Variants in PXYLP1 observed in about 807,000 individuals in gnomAD.
PXYLP1 encodes the protein acid phosphatase-like 2.
In PXYLP1, 17 loss-of-function variants were observed where a neutral mutation model predicts 37.9. The observed-to-expected ratio is 0.45, with a 90% CI of 0.31 to 0.67. The LOEUF (loss-of-function observed/expected upper bound fraction) is 0.67. Ranked by LOEUF, PXYLP1 falls within the 30% of genes least tolerant of loss-of-function variation. The pLI is 0.07. For missense variants in PXYLP1, 511 were observed against 612.0 expected (o/e 0.84, Z 1.74); for synonymous variants, 221 against 232.2 (o/e 0.95, Z 0.44).
chr3:141,284,388 A>G (rs1018824626), intron 4 of PXYLP1, among the ~76,000 whole-genome samples: 1 of 40,874 alleles, frequency 2.4e-5, no homozygotes, highest in Non-Finnish European at 8.9e-5. Context: ...AGTGGCATAC[A>G]TCTTTCCGTT....
chr3:141,236,033 C>T (rs1245146891), intron 1 of PXYLP1, among the ~76,000 whole-genome samples: 2 of 152,134 alleles, frequency 1.3e-5, no homozygotes, highest in African/African-American at 2.4e-5. Flanking sequence ...AACTGGATGG[C>T]GGCTTGGGGA....
intron 1 of PXYLP1, among the ~76,000 whole-genome samples, chr3:141,250,893 C>T (rs1197968587): frequency 6.6e-6 from 1 of 152,164 alleles, no homozygotes; most frequent in African/African-American, 2.4e-5. Context: ...GCAGCCAAGC[C>T]ATCTTTATAG....
At chr3:141,276,131 C>T (rs1213258228) in intron 2 of PXYLP1, among the ~76,000 whole-genome samples, 1 of 152,230 alleles carries the variant, frequency 6.6e-6, no homozygotes, top group East Asian at 1.9e-4. Context: ...GTAGAAAGCT[C>T]TACCATCTAG....
chr3:141,260,337 A>T, intron 2 of PXYLP1, 83 bp downstream of exon 2: 1 of 1,475,820 alleles, frequency 6.8e-7, no homozygotes, highest in Non-Finnish European at 9.2e-7. Context: ...TGTTTTATAA[A>T]TGAATGATGA....
At chr3:141,260,986 A>T (rs987457720) in intron 2 of PXYLP1, among the ~76,000 whole-genome samples, 1 of 152,112 alleles carries the variant, frequency 6.6e-6, no homozygotes. Context: ...CTTTGCCAAG[A>T]GCGTTCTCCT....
At chr3:141,286,174 G>C (rs1576606567) in intron 4 of PXYLP1, among the ~76,000 whole-genome samples, 1 of 152,132 alleles carries the variant, frequency 6.6e-6, no homozygotes, top group South Asian at 2.1e-4. Flanking sequence ...ACATTCATAG[G>C]CTACTTCATT....
At chr3:141,287,061 G>A (rs908342870) in intron 4 of PXYLP1, among the ~76,000 whole-genome samples, 4 of 152,184 alleles carry the variant, frequency 2.6e-5, no homozygotes, top group African/African-American at 4.8e-5. Context: ...GAAGATAGAC[G>A]GCGAAGCTGA....
chr3:141,248,495 GTGTATA>G (rs1941019222), intron 1 of PXYLP1, among the ~76,000 whole-genome samples: 1 of 115,960 alleles, frequency 8.6e-6, no homozygotes, highest in African/African-American at 5.8e-5. Flanking sequence ...GTGTGCGTGT[GTGTATA>G]TATATATATA....
At chr3:141,262,517 C>T in intron 2 of PXYLP1, 1 of 805,138 alleles carries the variant, frequency 1.2e-6, no homozygotes, top group Non-Finnish European at 1.8e-6. Context: ...AGCTGGTTTC[C>T]ACGTCACTGA....
intron 2 of PXYLP1, chr3:141,274,636 G>A (rs754292282): frequency 2.7e-6 from 2 of 741,692 alleles, no homozygotes; most frequent in South Asian, 1.5e-5. Context: ...ATTTTTGGAA[G>A]ACCTATCCTC....
intron 1 of PXYLP1, chr3:141,232,360 C>T (rs1342156285): frequency 6.6e-6 from 1 of 152,446 alleles, no homozygotes; most frequent in East Asian, 1.9e-4. Flanking sequence ...CCCGCACTCC[C>T]GCCGCTGGAT....
In PXYLP1 at chr3:141,293,074, C is replaced by T. The variant is rs1301731353; in HGVS notation, c.1312C>T (p.His438Tyr). The change falls in exon 6 of 6, where the codon CAC becomes TAC. Residue 438 changes from histidine to tyrosine, a missense_variant. Coordinates refer to ENST00000286353, the MANE Select transcript of PXYLP1 (RefSeq NM_001037172.3). ...ATTCCACACCTCTTTCTGCCAAGAC[C>T]ACCACAAGCGTTCTCCCAAGCCCAT... ...VTFHTSFCQD[H>Y]HKRSPKPMCP... 2 of 1,614,164 alleles carry T rather than the reference C, an allele frequency of 1.2e-6. No homozygotes were observed.
At chr3:141,280,173 C>T (rs1321188723) in intron 4 of PXYLP1, among the ~76,000 whole-genome samples, 1 of 152,192 alleles carries the variant, frequency 6.6e-6, no homozygotes, top group African/African-American at 2.4e-5. Context: ...TCTGGAGGCA[C>T]ATAACATTCT....
chr3:141,254,317 G>T (rs1941211283), intron 1 of PXYLP1, among the ~76,000 whole-genome samples: 1 of 152,190 alleles, frequency 6.6e-6, no homozygotes, highest in African/African-American at 2.4e-5. Context: ...ACTGTGTCCT[G>T]TATCCTGTGT....
chr3:141,288,777 T>TC (rs1212648594), intron 5 of PXYLP1, among the ~76,000 whole-genome samples: 2 of 152,122 alleles, frequency 1.3e-5, no homozygotes, highest in Non-Finnish European at 2.9e-5. Context: ...GTGCCTGTAG[T>TC]CCCAGCTACT....
chr3:141,275,889 A>G (rs968185348), intron 2 of PXYLP1, among the ~76,000 whole-genome samples: 1 of 152,252 alleles, frequency 6.6e-6, no homozygotes, highest in Non-Finnish European at 1.5e-5. Context: ...CTTACTATAA[A>G]TACATATGCA....
intron 2 of PXYLP1, among the ~76,000 whole-genome samples, chr3:141,272,025 G>C (rs899345): frequency 0.22 from 32,951 of 152,164 alleles, 4,958 homozygotes; most frequent in African/African-American, 0.43. Context: ...CCTGCAAGGA[G>C]CTTGCATACA....
intron 1 of PXYLP1, among the ~76,000 whole-genome samples, chr3:141,257,399 A>G (rs1394163629): frequency 2.0e-5 from 3 of 152,198 alleles, no homozygotes; most frequent in African/African-American, 4.8e-5. Context: ...CACATCTGCT[A>G]TTGTCCCATG....
At chr3:141,279,103 C>T (rs531704297) in intron 3 of PXYLP1, among the ~76,000 whole-genome samples, 4 of 152,188 alleles carry the variant, frequency 2.6e-5, no homozygotes, top group Admixed American at 6.5e-5. Flanking sequence ...TAGTCATGCC[C>T]GCATTTCACC....
Sources: gnomAD v4.1 joint callset for allele counts (sites outside exome capture counted in the v4.1 genomes callset) on GRCh38, gnomAD v4.1.1 for gene constraint, MANE v1.5 for transcripts, NCBI Gene and HGNC (gene_info 2026-07-23, HGNC 2026-07-21) for gene names.